GCAT: variants seen among roughly 807,000 people sequenced by gnomAD.
The protein encoded by GCAT is 2-amino-3-ketobutyrate coenzyme A ligase, mitochondrial.
Under a neutral mutation model 39.7 loss-of-function variants are expected in GCAT, and 26 were observed. The ratio of observed to expected loss-of-function variants is 0.65; its 90% CI spans 0.48 to 0.91. The LOEUF (loss-of-function observed/expected upper bound fraction) is 0.91, where lower values mean the gene tolerates loss of function less well. Among genes scored for constraint, GCAT ranks in the 40% least tolerant of loss-of-function variants. The probability of loss-of-function intolerance (pLI) is 0.00; values close to 1 mark genes in which losing one functional copy is unlikely to be tolerated. For synonymous variants in GCAT, 218 were observed against 237.2 expected, an observed-to-expected ratio of 0.92 and a Z score of 0.74; for missense variants, 550 against 576.2, an observed-to-expected ratio of 0.95 and a Z score of 0.47.
At chr22:37,816,075 G>A (rs962598330) in intron 7 of GCAT, 125 bp from the exon 8 acceptor site, 4 of 1,239,150 alleles carry the variant, frequency 3.2e-6, no homozygotes, top group Non-Finnish European at 4.4e-6. Context: ...GCCTCTTAGA[G>A]CTTGTAACTG....
chr22:37,814,409 ACACACCACC>A (rs1921934422), intron 4 of GCAT, among the ~76,000 whole-genome samples: 1 of 152,108 alleles, frequency 6.6e-6, no homozygotes, highest in Non-Finnish European at 1.5e-5. Flanking sequence ...GATTACAGGC[ACACACCACC>A]GTGCTCAGCT....
chr22:37,809,441 A>G (rs1189874862), intron 1 of GCAT, among the ~76,000 whole-genome samples: 3 of 152,182 alleles, frequency 2.0e-5, no homozygotes, highest in Non-Finnish European at 2.9e-5. Flanking sequence ...CCAAGGGGTC[A>G]GATAAGGAGT....
At chr22:37,810,677 G>A (rs1328235114) in intron 2 of GCAT, among the ~76,000 whole-genome samples, 3 of 151,886 alleles carry the variant, frequency 2.0e-5, no homozygotes, top group Admixed American at 2.0e-4. Context: ...CACCACTCCC[G>A]GCTAATTTTT....
In GCAT at chr22:37,810,162, A is replaced by G; in HGVS notation, c.327+5A>G. 2 of 1,602,714 alleles carry G rather than the reference A, an allele frequency of 1.2e-6. No individual in the cohort carries two copies. The highest frequency in any genetic ancestry group is 1.7e-4 in the Middle Eastern group (1 of 6,042). ...CGCTTTATCTGTGGAACCCAGGTAC[A>G]CAGTGAGTGGTGGGGGGTTGTGGGG... On this transcript the variant is annotated splice_donor_5th_base_variant and intron_variant, in intron 2 of 8. Coordinates refer to ENST00000248924, the MANE Select transcript of GCAT (RefSeq NM_014291.4).
At chr22:37,808,293 T>A (rs1601690949) in intron 1 of GCAT, 130 bp downstream of exon 1, 1 of 684,782 alleles carries the variant, frequency 1.5e-6, no homozygotes, top group East Asian at 3.4e-5. Flanking sequence ...TCAGGGCGAC[T>A]TTATGGCTTC....
intron 2 of GCAT, among the ~76,000 whole-genome samples, chr22:37,812,217 G>GTCCC (rs1346745512): frequency 1.3e-5 from 2 of 151,902 alleles, no homozygotes; most frequent in Non-Finnish European, 2.9e-5. Context: ...CGCACCTGTA[G>GTCCC]TCCCAGCTAC....
intron 8 of GCAT, 43 bp from the exon 9 acceptor site, chr22:37,816,524 A>G: frequency 1.2e-6 from 2 of 1,610,396 alleles, no homozygotes; most frequent in Non-Finnish European, 1.7e-6. Context: ...TTCTGCCCCC[A>G]AGCCTGTTGG....
At position 37,813,609 on chromosome 22, in the gene GCAT, G is replaced by A; in HGVS notation, c.576G>A (p.Gln192=). ...ADLEAKLQEA[Q]KHRLRLVATD... ...TAGAAGCCAAGCTGCAGGAGGCCCA[G>A]GTGGGGCGACGCCTGGGTCCACCCT... The change falls in exon 4 of 9, where the codon CAG becomes CAA. Residue 192 remains glutamine, a splice_region_variant and synonymous_variant. Coordinates refer to ENST00000248924, the MANE Select transcript of GCAT (RefSeq NM_014291.4). 1 of 1,603,392 alleles carries A rather than the reference G, an allele frequency of 6.2e-7. No homozygotes were observed. The highest frequency in any genetic ancestry group is 1.3e-5 in the African/African-American group (1 of 74,934).
At chr22:37,812,334 T>C (rs1921689962) in intron 2 of GCAT, among the ~76,000 whole-genome samples, 1 of 151,884 alleles carries the variant, frequency 6.6e-6, no homozygotes, top group Non-Finnish European at 1.5e-5. Context: ...AGAGAATCCC[T>C]GTCTCATTTG....
chr22:37,811,884 A>AAAAG (rs1921638846), intron 2 of GCAT, among the ~76,000 whole-genome samples: 1 of 151,562 alleles, frequency 6.6e-6, no homozygotes, highest in African/African-American at 2.4e-5. Flanking sequence ...TCAAAAAAAA[A>AAAAG]AAAAAAAGAA....
In GCAT at chr22:37,812,727, C is replaced by A. The variant is rs189748597; in HGVS notation, c.328-160C>A. Among the ~76,000 whole-genome samples the A allele has an allele frequency of 1.8e-4, 27 of 152,194 alleles. No individual in the cohort carries two copies. In the East Asian group the frequency reaches 5.0e-3, roughly 28 times the overall value. On this transcript the variant is annotated intron_variant, in intron 2 of 8. Coordinates refer to ENST00000248924, the MANE Select transcript of GCAT (RefSeq NM_014291.4). ...CTCAGTGGGAACTGTCTGTCAGATT[C>A]CTGGCAGCTCTGGGATAGCCCATGT...
intron 6 of GCAT, 34 bp from the exon 7 acceptor site, chr22:37,815,629 C>A: frequency 6.5e-7 from 1 of 1,546,622 alleles, no homozygotes; most frequent in Non-Finnish European, 8.9e-7. Flanking sequence ...GGCCCCTGAC[C>A]AACCCCTCCC....
At chr22:37,811,415 A>T (rs1246043758) in intron 2 of GCAT, among the ~76,000 whole-genome samples, 1 of 131,854 alleles carries the variant, frequency 7.6e-6, no homozygotes, top group East Asian at 2.6e-4. Flanking sequence ...TAGGAGGTGG[A>T]GGTTGCAGTG....
Position 37,808,097 on chromosome 22 carries a change from T to G in GCAT, c.130T>G (p.Trp44Gly). ...ELEGIRGAGT[W>G]KSERVITSRQ... is the part of the protein sequence containing the mutation. ...GGAAGGCATCCGCGGAGCTGGCACTTGGAAGAGTGAGCGGGTCATCACGTC... is the reference window on the plus strand; with the variant it reads ...GGAAGGCATCCGCGGAGCTGGCACTGGGAAGAGTGAGCGGGTCATCACGTC... The change falls in exon 1 of 9, where the codon TGG becomes GGG. Residue 44 changes from tryptophan to glycine, a missense_variant. By Grantham distance (184) the Trp-to-Gly change is radical. Transcript: ENST00000248924. 6.4e-7 allele frequency: 1 copy of G among 1,573,994 alleles called. No homozygotes were observed. The highest frequency in any genetic ancestry group is 1.4e-5 in the African/African-American group (1 of 72,948).
At chr22:37,817,030 G>T, downstream of GCAT, 1 of 277,038 alleles carries the variant, frequency 3.6e-6, no homozygotes, top group Non-Finnish European at 7.1e-6. Flanking sequence ...CCTAGATTAA[G>T]ATGGGACCCA....
intron 7 of GCAT, 49 bp downstream of exon 7, chr22:37,815,883 G>A (rs368132135): frequency 1.2e-6 from 2 of 1,601,940 alleles, no homozygotes; most frequent in East Asian, 4.5e-5. Flanking sequence ...CGTGGTGAGA[G>A]CCAGCCTCAT....
Position 37,813,499 on chromosome 22 carries a change from G to C in GCAT, c.466G>C (p.Glu156Gln). The change falls in exon 4 of 9, where the codon GAG becomes CAG. Residue 156 changes from glutamate to glutamine, a missense_variant. Glu to Gln is a conservative substitution (Grantham distance 29). Coordinates refer to ENST00000248924, the MANE Select transcript of GCAT (RefSeq NM_014291.4). ...CCCAGAGGACGCAGTCCTGTCGGAC[G>C]AGCTGAACCATGCCTCCATCATCGA... The part of the protein sequence containing the change: ...LTPEDAVLSD[E>Q]LNHASIIDGI... 6.2e-7 allele frequency: 1 copy of C among 1,610,528 alleles called. No homozygotes were observed. Among genetic ancestry groups the C allele is most frequent in the South Asian group, 1.1e-5 (1 of 90,276 alleles).
At position 37,816,607 on chromosome 22, in the gene GCAT, G is replaced by C; in HGVS notation, c.1149G>C (p.Lys383Asn). The stretch of plus-strand genomic sequence containing the variant: ...GGTTCAGCTACCCCGTGGTCCCCAA[G>C]GGCAAGGCCCGGATCCGGGTACAGA... ...VIGFSYPVVP[K>N]GKARIRVQIS... is the part of the protein sequence containing the mutation. The change falls in exon 9 of 9, where the codon AAG (lysine) becomes AAC (asparagine). Residue 383 changes from lysine to asparagine, a missense_variant. By Grantham distance (94) the Lys-to-Asn change is moderately conservative. Coordinates refer to ENST00000248924, the MANE Select transcript of GCAT (RefSeq NM_014291.4). 1 of 1,614,204 alleles carries C rather than the reference G, an allele frequency of 6.2e-7. No homozygotes were observed. Among genetic ancestry groups the C allele is most frequent in the Non-Finnish European group, 8.5e-7 (1 of 1,180,032 alleles).
At chr22:37,810,892 C>G (rs1921513749) in intron 2 of GCAT, among the ~76,000 whole-genome samples, 1 of 152,000 alleles carries the variant, frequency 6.6e-6, no homozygotes, top group African/African-American at 2.4e-5. Flanking sequence ...CTCAAGTGAT[C>G]TCCTCCACCT....
Sources: allele counts gnomAD v4.1 joint callset (sites outside exome capture counted in the v4.1 genomes callset), GRCh38; gene constraint gnomAD v4.1.1; transcripts MANE v1.5; gene names NCBI Gene and HGNC (gene_info 2026-07-23, HGNC 2026-07-21).